The following YIF1A variants were observed in gnomAD, a reference collection of about 807,000 sequenced individuals.
The protein encoded by YIF1A is protein YIF1A.
A neutral mutation model predicts 32.6 loss-of-function variants in YIF1A; 28 were observed. That is an observed-to-expected ratio of 0.86 (90% CI 0.64 to 1.18). YIF1A has a LOEUF of 1.18. YIF1A is among the 50% of genes most tolerant of loss of function. YIF1A has a pLI of 0.00. For synonymous variants in YIF1A, 175 were observed against 162.2 expected (o/e 1.08, Z -0.60); for missense variants, 373 against 390.8 (o/e 0.95, Z 0.38).
chr11:66,287,334 C>G, intron 4 of YIF1A: 1 of 500,184 alleles, frequency 2.0e-6, no homozygotes, highest in South Asian at 2.4e-5. Context: ...ACCCAGAGCT[C>G]CAGGCTGGGG....
rs548169858 is a variant in YIF1A at position 66,285,386 on chromosome 11, G to A, written c.636C>T (p.Tyr212=). The change falls in exon 6 of 8, where the codon TAC becomes TAT. Residue 212 remains tyrosine, a synonymous_variant. Coordinates refer to ENST00000376901, the MANE Select transcript of YIF1A (RefSeq NM_020470.3). ...CCTGGCCCACAAGTGCTCACCCCACGTATTTGTAGCCACTGTAGGCCAGCA... is the reference window on the plus strand; with the variant it reads ...CCTGGCCCACAAGTGCTCACCCCACATATTTGTAGCCACTGTAGGCCAGCA... ...FHLLAYSGYK[Y]VGMILSVLTG... The A allele has an allele frequency of 1.2e-5, 20 of 1,611,808 alleles. No individual in the cohort carries two copies. Among genetic ancestry groups the A allele is most frequent in the South Asian group, 3.3e-5 (3 of 91,042 alleles).
In YIF1A at chr11:66,287,686, G is replaced by A. The variant is rs774066814; in HGVS notation, c.349-10C>T. ...ACTGCACTTCCCAGTTCTGGCAGTG[G>A]CAGTGGCAGCAGCGGCCACATCAGG... On this transcript the variant is annotated splice_polypyrimidine_tract_variant and intron_variant, in intron 3 of 7. Transcript: ENST00000376901. 1 of 1,611,818 alleles carries A rather than the reference G, an allele frequency of 6.2e-7. No homozygotes were observed. The highest frequency in any genetic ancestry group is 1.1e-5 in the South Asian group (1 of 91,072).
rs1590894431 is a variant in YIF1A, at chr11:66,284,743, A to C, written c.776T>G (p.Met259Arg). ...LRTAALGPDS[M>R]GGPVPRQRLQ... ...ACGCTGCCGGGGGACGGGGCCCCCC[A>C]TGCTGTCGGGGCCCAGGGCTGCTGT... The change falls in exon 8 of 8, where the codon ATG becomes AGG. Residue 259 changes from methionine to arginine, a missense_variant. Met to Arg is a moderately conservative substitution (Grantham distance 91). Transcript: ENST00000376901. The C allele has an allele frequency of 6.2e-7, 1 of 1,612,210 alleles. No individual in the cohort carries two copies. Among genetic ancestry groups the C allele is most frequent in the Non-Finnish European group, 8.5e-7 (1 of 1,179,720 alleles).
In YIF1A at chr11:66,288,092, C is replaced by T; in HGVS notation, c.232G>A (p.Val78Met). The change falls in exon 2 of 8, where the codon GTG becomes ATG. Residue 78 changes from valine to methionine, a missense_variant. Physicochemically the swap from Val to Met is conservative, Grantham distance 21 (BLOSUM62 1). Coordinates refer to ENST00000376901, the MANE Select transcript of YIF1A (RefSeq NM_020470.3). ...SSIASHGKDM[V>M]HKELHRFVSV... ...GGGGCAGGCCACACCTCCTTGTGCA[C>T]CATGTCCTTCCCATGGGATGCGATG... 1.4e-5 allele frequency: 22 copies of T among 1,613,592 alleles called. No individual in the cohort carries two copies. The highest frequency in any genetic ancestry group is 1.9e-5 in the Non-Finnish European group (22 of 1,179,960).
chr11:66,285,861 T>A, intron 4 of YIF1A, 103 bp from the exon 5 acceptor site: 3 of 1,312,024 alleles, frequency 2.3e-6, no homozygotes, highest in Non-Finnish European at 3.2e-6. Context: ...CTTCTCTGAA[T>A]AGCCCAGCAT....
At chr11:66,286,570 T>G (rs1857359882) in intron 4 of YIF1A, among the ~76,000 whole-genome samples, 2 of 152,086 alleles carry the variant, frequency 1.3e-5, no homozygotes, top group South Asian at 4.1e-4. Flanking sequence ...GAGGCTGCAG[T>G]GAGCCAAGAT....
rs199792888 is a variant in YIF1A, at chr11:66,284,726, G to A, written c.793C>T (p.Arg265Trp). 8.1e-5 allele frequency: 130 copies of A among 1,612,268 alleles called. No individual in the cohort carries two copies. The highest frequency in any genetic ancestry group is 1.2e-4 in the Admixed American group (7 of 59,958). The part of the protein sequence containing the change: ...GPDSMGGPVP[R>W]QRLQLYLTLG... ...GTCAGGTAGAGCTGGAGACGCTGCC[G>A]GGGGACGGGGCCCCCCATGCTGTCG... Residue 265 changes from arginine to tryptophan, a missense_variant, in exon 8 of 8, where the codon CGG becomes TGG. By Grantham distance (101) the Arg-to-Trp change is moderately radical. Coordinates refer to ENST00000376901, the MANE Select transcript of YIF1A (RefSeq NM_020470.3).
chr11:66,287,788 C>CAGCT, intron 3 of YIF1A, 24 bp downstream of exon 3: 1 of 1,611,970 alleles, frequency 6.2e-7, no homozygotes, highest in Non-Finnish European at 8.5e-7. Context: ...GAAGGCCCAC[C>CAGCT]AGCTCCCTTG....
chr11:66,285,502 T>C lies in YIF1A; in HGVS notation c.520A>G (p.Thr174Ala), dbSNP rs550537586. The change falls in exon 6 of 8, where the codon ACA (threonine) becomes GCA (alanine). Residue 174 changes from threonine (T) to alanine (A), a missense_variant. By Grantham distance (58) the Thr-to-Ala change is moderately conservative (BLOSUM62 0). Coordinates refer to ENST00000376901, the MANE Select transcript of YIF1A (RefSeq NM_020470.3). ...SPEVLGLCAS[T>A]ALVWVVMEVL... The stretch of plus-strand genomic sequence containing the variant: ...TCCATCACCACCCACACCAGCGCTG[T>C]GCTTGCACACAGGCCCAGCACCTCC... 551 of 1,612,926 alleles carry C rather than the reference T, an allele frequency of 3.4e-4. 11 individuals are homozygous for C. The South Asian group carries it at 5.8e-3, about 17-fold the overall frequency.
intron 4 of YIF1A, among the ~76,000 whole-genome samples, chr11:66,286,327 C>T (rs757825082): frequency 3.3e-5 from 5 of 152,218 alleles, no homozygotes; most frequent in Non-Finnish European, 7.3e-5. Context: ...GCTTAAAGCA[C>T]TAGAATTGGC....
Position 66,284,595 on chromosome 11 carries a change from C to G in YIF1A, c.*42G>C, listed in dbSNP as rs912075669. Reference sequence around the variant, plus strand: ...TCAGACAAAGTCAAGGAAATCAAATCTTCAATGAATGAAAAACTCAGTGCC... The same window carrying G: ...TCAGACAAAGTCAAGGAAATCAAATGTTCAATGAATGAAAAACTCAGTGCC... On this transcript the variant is annotated 3_prime_UTR_variant, in exon 8 of 8. Coordinates refer to ENST00000376901, the MANE Select transcript of YIF1A (RefSeq NM_020470.3). 3 of 1,603,960 alleles carry G rather than the reference C, an allele frequency of 1.9e-6. No individual in the cohort carries two copies. In the African/African-American group the frequency reaches 4.0e-5, roughly 21 times the overall value.
intron 2 of YIF1A, 60 bp downstream of exon 2, chr11:66,288,021 C>T: frequency 6.2e-7 from 1 of 1,608,166 alleles, no homozygotes; most frequent in Non-Finnish European, 8.5e-7. Context: ...GGGTGGAATC[C>T]CATGATGCCC....
At position 66,287,660 on chromosome 11, in the gene YIF1A, T is replaced by G; in HGVS notation, c.365A>C (p.Tyr122Ser). ...GGGGGGCAGAGGAGCATCACGACTGTACTGCACTTCCCAGTTCTGGCAGTG... is the reference window on the plus strand; with the variant it reads ...GGGGGGCAGAGGAGCATCACGACTGGACTGCACTTCCCAGTTCTGGCAGTG... ...PYTHQNWEVQYSRDAPLPPRQ... is the reference protein window; with the variant it reads ...PYTHQNWEVQSSRDAPLPPRQ... The change falls in exon 4 of 8, where the codon TAC (tyrosine) becomes TCC (serine). Residue 122 changes from tyrosine (Y) to serine (S), a missense_variant. Physicochemically the swap from Tyr to Ser is moderately radical, Grantham distance 144 (BLOSUM62 -2). Transcript: ENST00000376901. 1 of 1,613,524 alleles carries G rather than the reference T, an allele frequency of 6.2e-7. No individual in the cohort carries two copies. The highest frequency in any genetic ancestry group is 1.1e-5 in the South Asian group (1 of 91,082).
At chr11:66,285,233 C>G (rs1027463320) in intron 6 of YIF1A, 148 bp downstream of exon 6, 4 of 1,262,332 alleles carry the variant, frequency 3.2e-6, no homozygotes, top group Non-Finnish European at 4.4e-6. Flanking sequence ...CGCAGATCCT[C>G]AGGAGACTGC....
Position 66,285,460 on chromosome 11 carries a change from G to A in YIF1A, c.562C>T (p.Leu188=), listed in dbSNP as rs34297861. The A allele has an allele frequency of 3.1e-3, 5,068 of 1,613,356 alleles. 23 individuals carry two copies. Among genetic ancestry groups the A allele is most frequent in the East Asian group, 0.021 (958 of 44,876 alleles). The change falls in exon 6 of 8, where the codon CTG becomes TTG. Residue 188 remains leucine, a synonymous_variant. Transcript: ENST00000376901. The part of the protein sequence containing the change: ...WVVMEVLALL[L]GLYLATVRSD... ...CGCACGGTGGCCAGGTAGAGGCCCA[G>A]GAGCAGGGCCAGCACCTCCATCACC...
intron 6 of YIF1A, 198 bp downstream of exon 6, chr11:66,285,183 G>T (rs1034922998): frequency 2.1e-6 from 2 of 949,104 alleles, no homozygotes; most frequent in East Asian, 2.6e-5. Context: ...CCCAAGACTC[G>T]CAGAGTGACT....
chr11:66,285,262 C>CT (rs1308872326), intron 6 of YIF1A, 119 bp downstream of exon 6: 2 of 1,435,854 alleles, frequency 1.4e-6, no homozygotes, highest in Admixed American at 2.1e-5. Context: ...GCTGCTCCCT[C>CT]TTAACAGAGC....
rs530462354 is a variant in YIF1A at position 66,284,752 on chromosome 11, G to A, written c.767C>T (p.Pro256Leu). The stretch of plus-strand genomic sequence containing the variant: ...GGGGACGGGGCCCCCCATGCTGTCG[G>A]GGCCCAGGGCTGCTGTCCGCAAAGA... ...VRSLRTAALG[P>L]DSMGGPVPRQ... Residue 256 changes from proline (P) to leucine (L), a missense_variant, in exon 8 of 8, where the codon CCC (proline) becomes CTC (leucine). By Grantham distance (98) the Pro-to-Leu change is moderately conservative (BLOSUM62 -3). Coordinates refer to ENST00000376901, the MANE Select transcript of YIF1A (RefSeq NM_020470.3). The A allele has an allele frequency of 1.2e-6, 2 of 1,612,102 alleles. No individual in the cohort carries two copies. The highest frequency in any genetic ancestry group is 1.3e-5 in the African/African-American group (1 of 75,024).
rs200236377 is a variant in YIF1A at position 66,287,640 on chromosome 11, G to A, written c.385C>T (p.Pro129Ser). ...GGGGCGTTGAGGTCTTGCCGGGGGG[G>A]CAGAGGAGCATCACGACTGTACTGC... ...EVQYSRDAPL[P>S]PRQDLNAPDL... Residue 129 changes from proline to serine, a missense_variant, in exon 4 of 8, where the codon CCC (proline) becomes TCC (serine). Transcript: ENST00000376901. 4.3e-6 allele frequency: 7 copies of A among 1,613,694 alleles called. No homozygotes were observed. The highest frequency in any genetic ancestry group is 4.5e-5 in the East Asian group (2 of 44,886).
Sources: gnomAD v4.1 joint callset for allele counts (sites outside exome capture counted in the v4.1 genomes callset) on GRCh38, gnomAD v4.1.1 for gene constraint, MANE v1.5 for transcripts, NCBI Gene and HGNC (gene_info 2026-07-23, HGNC 2026-07-21) for gene names.